The following CSMD1 variants were observed in gnomAD, a reference collection of about 807,000 sequenced individuals.
CSMD1 encodes the protein CUB and sushi domain-containing protein 1.
Under a neutral mutation model 417.5 loss-of-function variants are expected in CSMD1, and 213 were observed. That is an observed-to-expected ratio of 0.51 (90% CI 0.46 to 0.57). The LOEUF (loss-of-function observed/expected upper bound fraction) is 0.57. CSMD1 is among the 20% of genes least tolerant of loss of function. The pLI, the probability that CSMD1 is intolerant of heterozygous loss-of-function variation, is 0.00. For missense variants in CSMD1, 6,923 were observed against 4,529.7 expected (o/e 1.53, Z -15.17); for synonymous variants, 2,862 against 1,736.8 (o/e 1.65, Z -16.11).
intron 1 of CSMD1, among the ~76,000 whole-genome samples, chr8:4,993,945 T>A (rs1322545222): frequency 4.0e-5 from 6 of 151,628 alleles, no homozygotes; most frequent in Non-Finnish European, 5.9e-5. Flanking sequence ...GGGGAGAAAG[T>A]CCTGGGAACT....
intron 3 of CSMD1, among the ~76,000 whole-genome samples, chr8:4,201,704 G>T (rs2081354): frequency 0.17 from 25,844 of 151,826 alleles, 2,369 homozygotes; most frequent in Middle Eastern, 0.29. Flanking sequence ...GTGAGAAAAT[G>T]AAGAGCTAGG....
chr8:3,776,865 G>C (rs1334979049), intron 5 of CSMD1, among the ~76,000 whole-genome samples: 2 of 147,574 alleles, frequency 1.4e-5, no homozygotes, highest in Non-Finnish European at 3.0e-5. Flanking sequence ...TACAGACAAA[G>C]ATAGCTGATA....
intron 3 of CSMD1, among the ~76,000 whole-genome samples, chr8:4,230,104 A>G (rs950356751): frequency 6.6e-6 from 1 of 152,176 alleles, no homozygotes; most frequent in Non-Finnish European, 1.5e-5. Flanking sequence ...AGCCTTATAA[A>G]CCTTTTTCTA....
At chr8:4,317,817 C>T (rs1260558596) in intron 3 of CSMD1, among the ~76,000 whole-genome samples, 1 of 152,022 alleles carries the variant, frequency 6.6e-6, no homozygotes, top group Non-Finnish European at 1.5e-5. Context: ...TGTAGGCATT[C>T]AGTAATTATT....
chr8:4,853,475 C>G (rs1363088232), intron 1 of CSMD1, among the ~76,000 whole-genome samples: 1 of 152,174 alleles, frequency 6.6e-6, no homozygotes, highest in Non-Finnish European at 1.5e-5. Context: ...TGCTAGTGCA[C>G]AGAATGCAAG....
At chr8:3,888,113 C>T (rs748878741) in intron 5 of CSMD1, among the ~76,000 whole-genome samples, 2 of 152,124 alleles carry the variant, frequency 1.3e-5, no homozygotes, top group Non-Finnish European at 2.9e-5. Flanking sequence ...CGCTCCTTTG[C>T]CTAAGTGGGA....
chr8:4,071,420 T>C (rs544362816), intron 3 of CSMD1, among the ~76,000 whole-genome samples: 41 of 152,298 alleles, frequency 2.7e-4, no homozygotes, highest in African/African-American at 9.6e-4. Flanking sequence ...GTAGTTTAGA[T>C]ATTTAATTAT....
intron 1 of CSMD1, among the ~76,000 whole-genome samples, chr8:4,775,271 T>A (rs2117164328): frequency 6.6e-6 from 1 of 152,282 alleles, no homozygotes; most frequent in South Asian, 2.1e-4. Flanking sequence ...AAAACTGCAA[T>A]GATTACATCA....
At chr8:3,741,758 G>T (rs1796815838) in intron 6 of CSMD1, among the ~76,000 whole-genome samples, 1 of 152,068 alleles carries the variant, frequency 6.6e-6, no homozygotes, top group African/African-American at 2.4e-5. Context: ...AGTGGTGGTT[G>T]AATTTATTTG....
At chr8:3,186,729 C>T (rs922328272) in intron 36 of CSMD1, among the ~76,000 whole-genome samples, 3 of 152,130 alleles carry the variant, frequency 2.0e-5, no homozygotes, top group African/African-American at 7.2e-5. Context: ...AAACAACTGA[C>T]AGAATTCAGA....
chr8:3,136,953 A>T (rs77417833), intron 41 of CSMD1, among the ~76,000 whole-genome samples: 6,669 of 152,132 alleles, frequency 0.044, 196 homozygotes, highest in Non-Finnish European at 0.066. Flanking sequence ...TATTTTTTTT[A>T]AATTTTATTA....
intron 3 of CSMD1, among the ~76,000 whole-genome samples, chr8:4,313,154 C>G (rs2128879902): frequency 6.6e-6 from 1 of 152,254 alleles, no homozygotes; most frequent in South Asian, 2.1e-4. Context: ...TGGAACTGGT[C>G]TTTAATTTCT....
chr8:4,948,970 A>T (rs1295696532), intron 1 of CSMD1, among the ~76,000 whole-genome samples: 1 of 152,162 alleles, frequency 6.6e-6, no homozygotes, highest in Non-Finnish European at 1.5e-5. Context: ...CAAGGCTGAT[A>T]TAATTTATCA....
intron 1 of CSMD1, among the ~76,000 whole-genome samples, chr8:4,806,839 G>A (rs1411939930): frequency 2.0e-5 from 3 of 152,076 alleles, no homozygotes; most frequent in Admixed American, 6.6e-5. Context: ...AAAGATGAAG[G>A]TGTCATAAAA....
intron 33 of CSMD1, among the ~76,000 whole-genome samples, chr8:3,193,634 A>C (rs13261550): frequency 0.46 from 69,638 of 151,944 alleles, 17,436 homozygotes; most frequent in Non-Finnish European, 0.57. Flanking sequence ...TGTGAAGCCA[A>C]ATTGAAATCG....
At chr8:4,535,390 C>G (rs978031340) in intron 2 of CSMD1, among the ~76,000 whole-genome samples, 1 of 152,060 alleles carries the variant, frequency 6.6e-6, no homozygotes, top group Non-Finnish European at 1.5e-5. Context: ...ACTTTTGTAG[C>G]GTCTTCCAAG....
chr8:4,738,294 T>G lies in CSMD1; in HGVS notation c.86-100736A>C, dbSNP rs541576002. 1.9e-4 allele frequency among the ~76,000 whole-genome samples: 29 copies of G among 152,310 alleles called. No individual in the cohort carries two copies. The East Asian group carries it at 5.4e-3, about 28-fold the overall frequency. ...TAAACAACTGCTTGAGAATGGGTTA[T>G]TTACAGAGGAAACATCTTAATTGAC... is the stretch of plus-strand genomic sequence containing the variant. On this transcript the variant is annotated intron_variant, in intron 1 of 69. Coordinates refer to ENST00000635120, the MANE Select transcript of CSMD1 (RefSeq NM_033225.6).
chr8:3,730,828 T>A lies in CSMD1; in HGVS notation c.932-22337A>T, dbSNP rs114600762. Among the ~76,000 whole-genome samples, 1,237 of 152,290 alleles carry A rather than the reference T, an allele frequency of 8.1e-3. 28 individuals are homozygous for A. Among genetic ancestry groups the A allele is most frequent in the African/African-American group, 0.028 (1,171 of 41,560 alleles). ...ATGTTCAAAAACAACCCCATTCATG[T>A]TATGCCAGATATTAGGAAATTATGC... On this transcript the variant is annotated intron_variant, in intron 6 of 69. Coordinates refer to ENST00000635120, the MANE Select transcript of CSMD1 (RefSeq NM_033225.6).
intron 5 of CSMD1, among the ~76,000 whole-genome samples, chr8:3,838,940 TAAA>T (rs1375106317): frequency 1.0e-5 from 1 of 96,388 alleles, no homozygotes; most frequent in Non-Finnish European, 1.9e-5. Flanking sequence ...TTATATATAA[TAAA>T]AAATTAATAT....
Sources: gnomAD v4.1 joint callset for allele counts (sites outside exome capture counted in the v4.1 genomes callset) on GRCh38, gnomAD v4.1.1 for gene constraint, MANE v1.5 for transcripts, NCBI Gene and HGNC (gene_info 2026-07-23, HGNC 2026-07-21) for gene names.